Variants in SEC24C observed in about 807,000 individuals in gnomAD.
SEC24C encodes the protein SEC24 homolog C, COPII component, also known as protein transport protein Sec24C.
Under a neutral mutation model 117.0 loss-of-function variants are expected in SEC24C, and 22 were observed. The observed-to-expected ratio is 0.19, with a 90% confidence interval of 0.13 to 0.27. The LOEUF is 0.27. Ranked by LOEUF, SEC24C falls within the 10% of genes least tolerant of loss-of-function variation. SEC24C has a pLI of 1.00. For missense variants in SEC24C, 1,155 were observed against 1,375.1 expected (o/e 0.84, Z 2.53); for synonymous variants, 506 against 529.4 (o/e 0.96, Z 0.61).
rs1015369221 is a variant in SEC24C, at chr10:73,769,323, T to TTCCC, written c.2425-23_2425-20dup. On this transcript the variant is annotated intron_variant, in intron 17 of 22. Coordinates refer to ENST00000345254, the MANE Select transcript of SEC24C (RefSeq NM_198597.3). The surrounding 1 kb of genome is among the most constrained non-coding windows in gnomAD (Gnocchi z 4.5). The stretch of plus-strand genomic sequence containing the variant: ...GGCCTTTGTGAGGGAGGGGTGTGAG[T>TTCCC]TCCCCCTTTCTCCTTTCCCCTAGTG... 23 of 1,612,424 alleles carry TTCCC rather than the reference T, an allele frequency of 1.4e-5. No individual in the cohort carries two copies. The highest frequency in any genetic ancestry group is 2.0e-5 in the Non-Finnish European group (23 of 1,179,206).
chr10:73,763,224 G>T (rs2082824485), intron 6 of SEC24C, among the ~76,000 whole-genome samples: 1 of 152,112 alleles, frequency 6.6e-6, no homozygotes, highest in Non-Finnish European at 1.5e-5. Context: ...ATTGATGGGG[G>T]GTAGGGGGCA....
Position 73,746,907 on chromosome 10 carries a change from G to A in SEC24C, c.75G>A (p.Gln25=). 6.2e-7 allele frequency: 1 copy of A among 1,614,044 alleles called. No individual in the cohort carries two copies. Among genetic ancestry groups the A allele is most frequent in the Non-Finnish European group, 8.5e-7 (1 of 1,179,964 alleles). The change falls in exon 2 of 23, where the codon CAG becomes CAA. Residue 25 remains glutamine (Q), a synonymous_variant. Coordinates refer to ENST00000345254, the MANE Select transcript of SEC24C (RefSeq NM_198597.3). ...AGCCCATCTACCCAGGGTATCATCA[G>A]TCCAGCTATGGTGGGCAATCAGGGT... The part of the protein sequence containing the change: ...QPQPIYPGYH[Q]SSYGGQSGST...
chr10:73,765,909 C>T lies in SEC24C; in HGVS notation c.1476C>T (p.Tyr492=). 6.2e-7 allele frequency: 1 copy of T among 1,612,866 alleles called. No homozygotes were observed. The highest frequency in any genetic ancestry group is 8.5e-7 in the Non-Finnish European group (1 of 1,178,874). ...GSYEFLATVD[Y]CKNNKFPSPP... is the part of the protein sequence containing the mutation. ...ATGAATTCTTGGCCACTGTAGATTACTGCAAGGTGAGGGAAGGTAGCATGG... is the reference window on the plus strand; with the variant it reads ...ATGAATTCTTGGCCACTGTAGATTATTGCAAGGTGAGGGAAGGTAGCATGG... The change falls in exon 10 of 23, where the codon TAC becomes TAT. Residue 492 remains tyrosine, a synonymous_variant. Coordinates refer to ENST00000345254, the MANE Select transcript of SEC24C (RefSeq NM_198597.3).
At chr10:73,746,158 CAAAAAAAAAAAAA>C (rs71021568) in intron 1 of SEC24C, among the ~76,000 whole-genome samples, 11 of 93,064 alleles carry the variant, frequency 1.2e-4, no homozygotes, top group Non-Finnish European at 1.8e-4. Context: ...GACTCCGTCT[CAAAAAAAAAAAAA>C]AAAAAAAAAA....
Position 73,763,538 on chromosome 10 carries a change from G to C in SEC24C, c.1036G>C (p.Val346Leu). Residue 346 changes from valine to leucine, a missense_variant, in exon 7 of 23, where the codon GTT (valine) becomes CTT (leucine). Coordinates refer to ENST00000345254, the MANE Select transcript of SEC24C (RefSeq NM_198597.3). ...GAACAACCGGGGTACAGAGCCATTT[G>C]TTACTGGAGTACGGGGCCAGGTGCC... ...DRNNRGTEPF[V>L]TGVRGQVPPL... is the part of the protein sequence containing the mutation. 1 of 1,613,928 alleles carries C rather than the reference G, an allele frequency of 6.2e-7. No homozygotes were observed. The highest frequency in any genetic ancestry group is 8.5e-7 in the Non-Finnish European group (1 of 1,179,924).
chr10:73,748,672 G>A (rs2082598111), intron 2 of SEC24C, among the ~76,000 whole-genome samples: 1 of 151,860 alleles, frequency 6.6e-6, no homozygotes, highest in Non-Finnish European at 1.5e-5. Flanking sequence ...CCTGGCCTCA[G>A]GTGATCCACC....
chr10:73,760,676 G>A (rs1379543235), intron 5 of SEC24C, 37 bp from the exon 6 acceptor site: 1 of 1,542,246 alleles, frequency 6.5e-7, no homozygotes, highest in Non-Finnish European at 8.7e-7. Flanking sequence ...GATAGGGATG[G>A]GATTTTGAGT....
intron 4 of SEC24C, 59 bp downstream of exon 4, chr10:73,759,853 G>A (rs2082769153): frequency 4.7e-6 from 7 of 1,485,188 alleles, no homozygotes; most frequent in Non-Finnish European, 6.3e-6. Context: ...TCAGACTCTG[G>A]GGTTATACCT....
chr10:73,769,105 T>A lies in SEC24C; in HGVS notation c.2377T>A (p.Phe793Ile). Reference protein sequence around the residue: ...LDGDKTVTVEFKHDDRLNEES... With the variant: ...LDGDKTVTVEIKHDDRLNEES... ...TGGGGACAAAACAGTGACTGTGGAG[T>A]TCAAGCATGACGATCGGCTCAATGA... Residue 793 changes from phenylalanine (F) to isoleucine (I), a missense_variant, in exon 17 of 23, where the codon TTC (phenylalanine) becomes ATC (isoleucine). Physicochemically the swap from Phe to Ile is conservative, Grantham distance 21. Around this residue, in one of 2 missense-constraint regions of SEC24C, gnomAD observed 759 missense variants for 992.3 expected, o/e 0.76. Coordinates refer to ENST00000345254, the MANE Select transcript of SEC24C (RefSeq NM_198597.3). The surrounding 1 kb of genome is among the most constrained non-coding windows in gnomAD (Gnocchi z 4.5). 1.2e-6 allele frequency: 2 copies of A among 1,613,034 alleles called. No homozygotes were observed. Among genetic ancestry groups the A allele is most frequent in the Non-Finnish European group, 1.7e-6 (2 of 1,179,742 alleles).
At chr10:73,765,685 G>T in intron 9 of SEC24C, 96 bp downstream of exon 9, 1 of 1,580,206 alleles carries the variant, frequency 6.3e-7, no homozygotes, top group African/African-American at 1.3e-5. Context: ...CATCTTTCAG[G>T]AGCTGGGGAA....
intron 5 of SEC24C, 52 bp from the exon 6 acceptor site, chr10:73,760,658 TAAG>T: frequency 6.6e-7 from 1 of 1,516,210 alleles, no homozygotes; most frequent in Non-Finnish European, 8.8e-7. Context: ...CCTGAGGCCT[TAAG>T]AAGAGATAGG....
Position 73,767,137 on chromosome 10 carries a change from T to C in SEC24C, c.1977T>C (p.Asp659=). ...AEAPGKLKNR[D]DRKLINTDKE... is the part of the protein sequence containing the mutation. ...CCCCAGGGAAACTGAAGAACAGAGA[T>C]GACAGGAAGCTGATCAATACAGACA... Residue 659 remains aspartate, a synonymous_variant, in exon 14 of 23, where the codon GAT becomes GAC. Coordinates refer to ENST00000345254, the MANE Select transcript of SEC24C (RefSeq NM_198597.3). 1 of 1,613,798 alleles carries C rather than the reference T, an allele frequency of 6.2e-7. No homozygotes were observed. The highest frequency in any genetic ancestry group is 8.5e-7 in the Non-Finnish European group (1 of 1,179,778).
At chr10:73,752,519 G>A (rs543765697) in intron 3 of SEC24C, among the ~76,000 whole-genome samples, 21 of 152,270 alleles carry the variant, frequency 1.4e-4, no homozygotes, top group African/African-American at 4.6e-4. Context: ...CTTTAACTGG[G>A]TGTCCAGAAC....
intron 8 of SEC24C, among the ~76,000 whole-genome samples, chr10:73,764,537 A>C (rs1484188647): frequency 1.3e-5 from 2 of 152,000 alleles, no homozygotes; most frequent in South Asian, 2.1e-4. Context: ...AAAAAAAAAA[A>C]AAACAAGAGG....
intron 7 of SEC24C, 49 bp from the exon 8 acceptor site, chr10:73,763,807 T>A: frequency 6.3e-7 from 1 of 1,591,690 alleles, no homozygotes; most frequent in Non-Finnish European, 8.6e-7. Context: ...AGAGCTGGTG[T>A]CTGGAAGGAT....
At chr10:73,751,016 T>C in intron 2 of SEC24C, 92 bp from the exon 3 acceptor site, 1 of 1,410,384 alleles carries the variant, frequency 7.1e-7, no homozygotes, top group African/African-American at 1.4e-5. Context: ...CCAGTGAAGG[T>C]CTGAGTTTAT....
intron 8 of SEC24C, 97 bp from the exon 9 acceptor site, chr10:73,765,354 G>A (rs750399724): frequency 8.1e-6 from 11 of 1,360,538 alleles, no homozygotes; most frequent in South Asian, 5.0e-5. Flanking sequence ...GAATATCTGC[G>A]CCATGCGCCT....
At chr10:73,766,622 T>TG (rs1452157274) in intron 12 of SEC24C, 81 bp downstream of exon 12, 73 of 1,490,986 alleles carry the variant, frequency 4.9e-5, no homozygotes, top group Non-Finnish European at 6.4e-5. Context: ...ACAGAGGTAT[T>TG]GGACAGTAGA....
At chr10:73,768,748 G>A in intron 15 of SEC24C, 62 bp from the exon 16 acceptor site, 1 of 1,507,748 alleles carries the variant, frequency 6.6e-7, no homozygotes, top group East Asian at 2.3e-5. Flanking sequence ...GGTACAGGGA[G>A]ATTGTCTGCA....
Sources: gnomAD v4.1 joint callset for allele counts (sites outside exome capture counted in the v4.1 genomes callset) on GRCh38, gnomAD v4.1.1 for gene constraint, gnomAD v4.1.1 regional missense constraint, Gnocchi (gnomAD v3.1) non-coding constraint, MANE v1.5 for transcripts, NCBI Gene and HGNC (gene_info 2026-07-23, HGNC 2026-07-21) for gene names.